The following DYNC2H1 variants were observed in gnomAD, a reference collection of about 807,000 sequenced individuals.
The protein encoded by DYNC2H1 is cytoplasmic dynein 2 heavy chain 1.
DYNC2H1 carries 410 observed loss-of-function variants against 570.0 expected under a neutral mutation model. The ratio of observed to expected loss-of-function variants is 0.72; its 90% CI spans 0.66 to 0.78. The LOEUF is 0.78. DYNC2H1 is among the 30% of genes least tolerant of loss of function. The probability of loss-of-function intolerance (pLI) is 0.00; values close to 1 mark genes in which losing one functional copy is unlikely to be tolerated. For missense variants in DYNC2H1, 4,865 were observed against 5,046.4 expected (o/e 0.96, Z 1.09); for synonymous variants, 1,688 against 1,677.6 (o/e 1.01, Z -0.15).
At chr11:103,167,595 A>G (rs1861383354) in intron 31 of DYNC2H1, among the ~76,000 whole-genome samples, 1 of 152,110 alleles carries the variant, frequency 6.6e-6, no homozygotes, top group Admixed American at 6.6e-5. Flanking sequence ...TCTTTTGCAG[A>G]TAACCTCAAC....
intron 84 of DYNC2H1, among the ~76,000 whole-genome samples, chr11:103,431,407 G>A (rs620458): frequency 0.55 from 84,070 of 151,650 alleles, 23,910 homozygotes; most frequent in East Asian, 0.72. Context: ...GGACTCTAGA[G>A]CCAAGTTACC....
At chr11:103,221,331 A>G (rs1028840806) in intron 57 of DYNC2H1, among the ~76,000 whole-genome samples, 3 of 152,218 alleles carry the variant, frequency 2.0e-5, no homozygotes, top group Admixed American at 1.3e-4. Context: ...ATTTAGGTTG[A>G]TAGTAAAGAG....
Position 103,326,562 on chromosome 11 carries a change from G to A in DYNC2H1, c.12039+2572G>A, listed in dbSNP as rs562230061. 6.6e-6 allele frequency among the ~76,000 whole-genome samples: 1 copy of A among 152,286 alleles called. No individual in the cohort carries two copies. Among genetic ancestry groups the A allele is most frequent in the African/African-American group, 2.4e-5 (1 of 41,568 alleles). ...CTCCTGAGCTGCAGACCGCATTCCGGGGACACTGGAACAGCCCTTGGCTTG... is the reference window on the plus strand; with the variant it reads ...CTCCTGAGCTGCAGACCGCATTCCGAGGACACTGGAACAGCCCTTGGCTTG... On this transcript the variant is annotated intron_variant, in intron 82 of 88. Coordinates refer to ENST00000375735, the MANE Select transcript of DYNC2H1 (RefSeq NM_001377.3). This position sits in a 1 kb window ranked among gnomAD's most constrained non-coding sequence, Gnocchi z 6.1.
intron 12 of DYNC2H1, 87 bp from the exon 13 acceptor site, chr11:103,128,823 A>G (rs772283425): frequency 1.3e-5 from 15 of 1,166,336 alleles, no homozygotes; most frequent in Non-Finnish European, 1.6e-5. Context: ...AGGATTGAGA[A>G]AAGTTAACAT....
At chr11:103,398,264 A>G (rs184615668) in intron 83 of DYNC2H1, among the ~76,000 whole-genome samples, 1 of 152,288 alleles carries the variant, frequency 6.6e-6, no homozygotes, top group African/African-American at 2.4e-5. Flanking sequence ...GCATGCTCTG[A>G]CAAGTAGTTA....
In DYNC2H1 at chr11:103,253,399, T is replaced by C. The variant is rs542490708; in HGVS notation, c.10157T>C (p.Ile3386Thr). Reference sequence around the variant, plus strand: ...TTTATTCCACCGGATGCAGCTTCCATTGTTACTGAGGTTAACTTTACTACA... The same window carrying C: ...TTTATTCCACCGGATGCAGCTTCCACTGTTACTGAGGTTAACTTTACTACA... ...NPFIPPDAAS[I>T]VTEVNFTTTR... The change falls in exon 66 of 89, where the codon ATT becomes ACT. Residue 3386 changes from isoleucine (I) to threonine (T), a missense_variant. Physicochemically the swap from Ile to Thr is moderately conservative, Grantham distance 89. Around this residue, in one of 5 missense-constraint regions of DYNC2H1, gnomAD observed 2,401 missense variants for 2,454.6 expected, o/e 0.98. Coordinates refer to ENST00000375735, the MANE Select transcript of DYNC2H1 (RefSeq NM_001377.3). 8 of 1,613,372 alleles carry C rather than the reference T, an allele frequency of 5.0e-6. No individual in the cohort carries two copies. The South Asian group carries it at 6.6e-5, about 13-fold the overall frequency.
intron 19 of DYNC2H1, among the ~76,000 whole-genome samples, chr11:103,148,230 A>G (rs1196196742): frequency 6.6e-6 from 1 of 152,218 alleles, no homozygotes; most frequent in Non-Finnish European, 1.5e-5. Context: ...GTTGTATAAA[A>G]GACGAAAAAT....
intron 59 of DYNC2H1, among the ~76,000 whole-genome samples, chr11:103,230,681 T>C (rs1376186083): frequency 6.6e-6 from 1 of 152,184 alleles, no homozygotes; most frequent in Admixed American, 6.5e-5. Flanking sequence ...CTCCTCTTTG[T>C]ATAGGCATTT....
intron 1 of DYNC2H1, 42 bp downstream of exon 1, chr11:103,109,811 C>G (rs1225509792): frequency 6.3e-7 from 1 of 1,578,302 alleles, no homozygotes; most frequent in Non-Finnish European, 8.6e-7. Context: ...GACCACTCTT[C>G]AAGTCCCCAG....
intron 79 of DYNC2H1, 21 bp from the exon 80 acceptor site, chr11:103,316,524 A>T (rs1006905021): frequency 6.6e-7 from 1 of 1,520,102 alleles, no homozygotes; most frequent in Non-Finnish European, 8.8e-7. Flanking sequence ...TTGTTTACTT[A>T]AAAAAATTGT....
chr11:103,375,657 G>T (rs1056834355), intron 83 of DYNC2H1, among the ~76,000 whole-genome samples: 3 of 152,232 alleles, frequency 2.0e-5, no homozygotes, highest in African/African-American at 7.2e-5. Flanking sequence ...TTTTGGACTT[G>T]CATGGGGCCT....
chr11:103,463,925 G>A (rs1945104281), intron 87 of DYNC2H1, among the ~76,000 whole-genome samples: 1 of 152,096 alleles, frequency 6.6e-6, no homozygotes, highest in African/African-American at 2.4e-5. Flanking sequence ...TGCCAGAACA[G>A]AACCCCCAAA....
intron 84 of DYNC2H1, chr11:103,404,418 G>A (rs1327917664): frequency 1.3e-5 from 2 of 150,926 alleles, no homozygotes; most frequent in Non-Finnish European, 3.0e-5. Context: ...TTTTCATTTT[G>A]AAGCAAAGGC....
intron 88 of DYNC2H1, among the ~76,000 whole-genome samples, chr11:103,478,145 C>T (rs533520536): frequency 4.4e-4 from 67 of 152,170 alleles, no homozygotes; most frequent in Middle Eastern, 6.8e-3. Flanking sequence ...ATGTTTAAAC[C>T]CACCAGTTCA....
intron 75 of DYNC2H1, among the ~76,000 whole-genome samples, chr11:103,297,668 G>C (rs1180690927): frequency 6.6e-6 from 1 of 151,982 alleles, no homozygotes; most frequent in Admixed American, 6.6e-5. Context: ...GAACAACCAT[G>C]GTATACATGG....
intron 70 of DYNC2H1, among the ~76,000 whole-genome samples, chr11:103,278,241 A>G (rs1865986372): frequency 6.6e-6 from 1 of 152,154 alleles, no homozygotes; most frequent in African/African-American, 2.4e-5. Context: ...TGTGTTCCAT[A>G]GACAAAAAGA....
At chr11:103,377,511 C>T (rs1356111428) in intron 83 of DYNC2H1, among the ~76,000 whole-genome samples, 3 of 151,918 alleles carry the variant, frequency 2.0e-5, no homozygotes, top group Non-Finnish European at 1.5e-5. Flanking sequence ...ATTAAATAAG[C>T]ACTTTTTAAT....
rs191869845 is a variant in DYNC2H1 at position 103,156,663 on chromosome 11, G to T, written c.4020G>T (p.Gln1340His). 65 of 1,613,354 alleles carry T rather than the reference G, an allele frequency of 4.0e-5. No homozygotes were observed. The East Asian group carries it at 1.0e-3, about 25-fold the overall frequency. The change falls in exon 26 of 89, where the codon CAG (glutamine) becomes CAT (histidine). Residue 1340 changes from glutamine (Q) to histidine (H), a missense_variant. Around this residue, in one of 5 missense-constraint regions of DYNC2H1, gnomAD observed 1,936 missense variants for 1,962.1 expected, o/e 0.99. Coordinates refer to ENST00000375735, the MANE Select transcript of DYNC2H1 (RefSeq NM_001377.3). ...TTGCAGAGTTAGATGAATACCTGCA[G>T]AATTTAAATCATATTCAGAGAAAGT... is the stretch of plus-strand genomic sequence containing the variant. ...RKLAELDEYL[Q>H]NLNHIQRKWV...
intron 26 of DYNC2H1, among the ~76,000 whole-genome samples, chr11:103,158,092 A>G (rs555987670): frequency 9.2e-5 from 14 of 152,356 alleles, no homozygotes; most frequent in African/African-American, 2.9e-4. Context: ...AAATATTTCT[A>G]GAAATTATTT....
Sources: allele counts gnomAD v4.1 joint callset (sites outside exome capture counted in the v4.1 genomes callset), GRCh38; gene constraint gnomAD v4.1.1; regional missense constraint gnomAD v4.1.1; non-coding constraint Gnocchi (gnomAD v3.1); transcripts MANE v1.5; gene names NCBI Gene and HGNC (gene_info 2026-07-23, HGNC 2026-07-21).